ACAN: variants seen among roughly 807,000 people sequenced by gnomAD.
The protein encoded by ACAN is aggrecan core protein.
Under a neutral mutation model 169.1 loss-of-function variants are expected in ACAN, and 47 were observed. That is an observed-to-expected ratio of 0.28 (90% CI 0.22 to 0.35). The LOEUF is 0.35. ACAN is among the 10% of genes least tolerant of loss of function. The probability of loss-of-function intolerance (pLI) is 1.00; values close to 1 mark genes in which losing one functional copy is unlikely to be tolerated. For synonymous variants in ACAN, 1,115 were observed against 1,112.2 expected (o/e 1.00, Z -0.05); for missense variants, 2,716 against 2,759.9 (o/e 0.98, Z 0.36).
In ACAN at chr15:88,840,183, T is replaced by G. The variant is rs1896615494; in HGVS notation, c.626T>G (p.Val209Gly). The change falls in exon 4 of 19, where the codon GTC becomes GGC. Residue 209 changes from valine to glycine, a missense_variant. Coordinates refer to ENST00000560601, the MANE Select transcript of ACAN (RefSeq NM_001369268.1). ...GCCGGCTGGCTGGCTGACCAGACTG[T>G]CAGGTGAGCCCTAGCCCATCAGCTA... ...CDAGWLADQT[V>G]RYPIHTPREG... 6.3e-7 allele frequency: 1 copy of G among 1,595,064 alleles called. No homozygotes were observed. Among genetic ancestry groups the G allele is most frequent in the Non-Finnish European group, 8.5e-7 (1 of 1,172,862 alleles).
intron 1 of ACAN, among the ~76,000 whole-genome samples, chr15:88,826,563 C>A (rs544162587): frequency 3.9e-5 from 6 of 151,994 alleles, no homozygotes; most frequent in Non-Finnish European, 8.8e-5. Flanking sequence ...AGGAGTCCCA[C>A]TTGGGAACCC....
In ACAN at chr15:88,874,782, A is replaced by AG; in HGVS notation, c.*306dup. The stretch of plus-strand genomic sequence containing the variant: ...CCTTTCCAGGGACCAGTGCAGGGAC[A>AG]GGGGGAGAAGGGGAGGGGTTAAGTT... On this transcript the variant is annotated 3_prime_UTR_variant, in exon 19 of 19. Transcript: ENST00000560601. This position sits in a 1 kb window ranked among gnomAD's most constrained non-coding sequence, Gnocchi z 7.3. The AG allele has an allele frequency of 2.2e-6, 1 of 445,164 alleles. No individual in the cohort carries two copies. Among genetic ancestry groups the AG allele is most frequent in the Non-Finnish European group, 4.2e-6 (1 of 238,608 alleles). 27.6% of individuals were successfully genotyped at this position (445,164 alleles called of 1,614,324 possible). A position where few individuals can be genotyped will look rare whatever the true frequency, so the allele number is the denominator to read the frequency against.
In ACAN at chr15:88,870,029, G is replaced by A. The variant is rs965133695; in HGVS notation, c.7061-1353G>A. Reference sequence around the variant, plus strand: ...ATGATATCTCTGGCCTCTTCAGAGTGCTGAGCTAGTCTGAGGCCTCTCCAC... The same window carrying A: ...ATGATATCTCTGGCCTCTTCAGAGTACTGAGCTAGTCTGAGGCCTCTCCAC... On this transcript the variant is annotated intron_variant, in intron 14 of 18. Coordinates refer to ENST00000560601, the MANE Select transcript of ACAN (RefSeq NM_001369268.1). This position sits in a 1 kb window ranked among gnomAD's most constrained non-coding sequence, Gnocchi z 6.3. 1.1e-4 allele frequency among the ~76,000 whole-genome samples: 16 copies of A among 152,120 alleles called. No individual in the cohort carries two copies. The highest frequency in any genetic ancestry group is 3.9e-4 in the African/African-American group (16 of 41,404).
chr15:88,855,462 T>G lies in ACAN; in HGVS notation c.2877T>G (p.Ser959=). The change falls in exon 12 of 19, where the codon TCT becomes TCG. Residue 959 remains serine (S), a synonymous_variant. Coordinates refer to ENST00000560601, the MANE Select transcript of ACAN (RefSeq NM_001369268.1). ...SGVGDLSGLP[S]GEVLETSASG... ...TTGGGGATCTCAGTGGACTTCCTTC[T>G]GGAGAAGTTCTAGAGACCTCTGCCT... The G allele has an allele frequency of 6.2e-7, 1 of 1,613,402 alleles. No homozygotes were observed. The highest frequency in any genetic ancestry group is 8.5e-7 in the Non-Finnish European group (1 of 1,179,730).
chr15:88,870,331 G>C lies in ACAN; in HGVS notation c.7061-1051G>C, dbSNP rs1415397757. Among the ~76,000 whole-genome samples, 1 of 152,198 alleles carries C rather than the reference G, an allele frequency of 6.6e-6. No individual in the cohort carries two copies. The highest frequency in any genetic ancestry group is 1.5e-5 in the Non-Finnish European group (1 of 68,032). On this transcript the variant is annotated intron_variant, in intron 14 of 18. Coordinates refer to ENST00000560601, the MANE Select transcript of ACAN (RefSeq NM_001369268.1). The surrounding 1 kb of genome is among the most constrained non-coding windows in gnomAD (Gnocchi z 6.3). ...GGGAGACCACCATGCAGCCTGAGGG[G>C]TTTGTGACCCTCCACCTGGGAGATC... is the stretch of plus-strand genomic sequence containing the variant.
chr15:88,854,942 A>G lies in ACAN; in HGVS notation c.2357A>G (p.Glu786Gly). ...SATEVPSASE[E>G]PSPSEVPFPS... Reference sequence around the variant, plus strand: ...ACTGAAGTGCCCTCTGCCTCAGAGGAACCATCCCCCTCAGAGGTGCCATTC... The same window carrying G: ...ACTGAAGTGCCCTCTGCCTCAGAGGGACCATCCCCCTCAGAGGTGCCATTC... Residue 786 changes from glutamate (E) to glycine (G), a missense_variant, in exon 12 of 19, where the codon GAA becomes GGA. Physicochemically the swap from Glu to Gly is moderately conservative, Grantham distance 98 (BLOSUM62 -2). Coordinates refer to ENST00000560601, the MANE Select transcript of ACAN (RefSeq NM_001369268.1). 5.6e-6 allele frequency: 9 copies of G among 1,594,840 alleles called. No individual in the cohort carries two copies. Among genetic ancestry groups the G allele is most frequent in the Non-Finnish European group, 7.7e-6 (9 of 1,171,694 alleles).
At position 88,849,293 on chromosome 15, in the gene ACAN, G is replaced by C. The variant is rs905799633; in HGVS notation, c.1733-145G>C. ...TCCCAGGGTCCCAGAAAATCTAAGG[G>C]GGAGTGGTCAAAAAAGGGGTGATGG... is the stretch of plus-strand genomic sequence containing the variant. On this transcript the variant is annotated intron_variant, in intron 9 of 18. Coordinates refer to ENST00000560601, the MANE Select transcript of ACAN (RefSeq NM_001369268.1). This position sits in a 1 kb window ranked among gnomAD's most constrained non-coding sequence, Gnocchi z 5.1. 5.3e-6 allele frequency: 4 copies of C among 760,620 alleles called. No homozygotes were observed. The highest frequency in any genetic ancestry group is 8.1e-6 in the Non-Finnish European group (4 of 492,030). The allele number at this position is 760,620 out of a possible 1,614,324, so 47.1% of individuals were successfully genotyped here. A position where few individuals can be genotyped will look rare whatever the true frequency, so the allele number is the denominator to read the frequency against.
At chr15:88,831,528 A>T (rs988753358) in intron 1 of ACAN, among the ~76,000 whole-genome samples, 2 of 152,232 alleles carry the variant, frequency 1.3e-5, no homozygotes, top group African/African-American at 4.8e-5. Context: ...CCATTCATTC[A>T]TTCAGCAATT....
intron 6 of ACAN, among the ~76,000 whole-genome samples, chr15:88,844,004 A>C (rs1896732707): frequency 6.6e-6 from 1 of 152,128 alleles, no homozygotes; most frequent in South Asian, 2.1e-4. Context: ...TAGTGAGGAG[A>C]TGGGGTGCCC....
intron 1 of ACAN, among the ~76,000 whole-genome samples, chr15:88,826,627 C>T (rs994777160): frequency 6.6e-5 from 10 of 152,060 alleles, no homozygotes; most frequent in South Asian, 2.1e-4. Flanking sequence ...ACCAACCGTG[C>T]GCATATTCCA....
chr15:88,867,146 G>T (rs1897293369), intron 13 of ACAN, among the ~76,000 whole-genome samples: 1 of 152,220 alleles, frequency 6.6e-6, no homozygotes, highest in Non-Finnish European at 1.5e-5. Context: ...AGATCCCCCA[G>T]GTCTTCTGGT....
intron 4 of ACAN, among the ~76,000 whole-genome samples, chr15:88,841,094 G>A (rs577873261): frequency 7.2e-5 from 11 of 152,326 alleles, no homozygotes; most frequent in South Asian, 4.1e-4. Flanking sequence ...GCAGTGAGCC[G>A]AGATCGCGCC....
intron 1 of ACAN, among the ~76,000 whole-genome samples, chr15:88,805,926 G>A (rs903550016): frequency 6.6e-6 from 1 of 152,164 alleles, no homozygotes; most frequent in Non-Finnish European, 1.5e-5. Flanking sequence ...TGCCAAGGCA[G>A]AGCGTTCTCC....
Position 88,839,645 on chromosome 15 carries a change from C to T in ACAN, c.455-367C>T, listed in dbSNP as rs753583167. On this transcript the variant is annotated intron_variant, in intron 3 of 18. Transcript: ENST00000560601. This position sits in a 1 kb window ranked among gnomAD's most constrained non-coding sequence, Gnocchi z 4.5. Reference sequence around the variant, plus strand: ...TTAAATGAGGTTTCCACTAGGGTGGCCCTGGGCTGAGGGTGCAGGGCATTC... The same window carrying T: ...TTAAATGAGGTTTCCACTAGGGTGGTCCTGGGCTGAGGGTGCAGGGCATTC... 3.9e-5 allele frequency among the ~76,000 whole-genome samples: 6 copies of T among 152,224 alleles called. No individual in the cohort carries two copies. The highest frequency in any genetic ancestry group is 8.8e-5 in the Non-Finnish European group (6 of 68,048).
chr15:88,816,157 C>T (rs1340947931), intron 1 of ACAN, among the ~76,000 whole-genome samples: 3 of 152,208 alleles, frequency 2.0e-5, no homozygotes, highest in Non-Finnish European at 4.4e-5. Context: ...AAGGGGCCAT[C>T]CTAACAACCT....
chr15:88,860,655 T>A (rs955650962), intron 13 of ACAN, among the ~76,000 whole-genome samples: 2 of 152,168 alleles, frequency 1.3e-5, no homozygotes, highest in African/African-American at 4.8e-5. Context: ...GTCAAGTAAT[T>A]AAGTTGCTAA....
intron 1 of ACAN, among the ~76,000 whole-genome samples, chr15:88,824,229 CAGG>C (rs1442359414): frequency 6.6e-6 from 1 of 151,836 alleles, no homozygotes; most frequent in African/African-American, 2.4e-5. Context: ...GAGGCTGAGG[CAGG>C]AGAATGGCGT....
At chr15:88,862,997 CA>C (rs57598410) in intron 13 of ACAN, among the ~76,000 whole-genome samples, 22,788 of 73,850 alleles carry the variant, frequency 0.31, 1,628 homozygotes, top group African/African-American at 0.41. Flanking sequence ...CACTCGGTCT[CA>C]AAAAAAAAAA....
Position 88,845,562 on chromosome 15 carries a change from T to A in ACAN, c.1109T>A (p.Ile370Asn). The change falls in exon 7 of 19, where the codon ATC becomes AAC. Residue 370 changes from isoleucine (I) to asparagine (N), a missense_variant. Ile to Asn is a moderately radical substitution (Grantham distance 149, BLOSUM62 -3). This residue lies in a region of ACAN where 1,283 missense variants were observed against 1,281.5 expected (regional missense o/e 1.00). Coordinates refer to ENST00000560601, the MANE Select transcript of ACAN (RefSeq NM_001369268.1). Reference sequence around the variant, plus strand: ...TTTGGAGTGGGGGGTGAGGAGGACATCACCGTCCAGACAGTGACCTGGCCT... The same window carrying A: ...TTTGGAGTGGGGGGTGAGGAGGACAACACCGTCCAGACAGTGACCTGGCCT... ...NFFGVGGEED[I>N]TVQTVTWPDM... The A allele has an allele frequency of 6.2e-7, 1 of 1,613,928 alleles. No homozygotes were observed. Among genetic ancestry groups the A allele is most frequent in the Non-Finnish European group, 8.5e-7 (1 of 1,179,872 alleles).
Sources: gnomAD v4.1 joint callset for allele counts (sites outside exome capture counted in the v4.1 genomes callset) on GRCh38, gnomAD v4.1.1 for gene constraint, gnomAD v4.1.1 regional missense constraint, Gnocchi (gnomAD v3.1) non-coding constraint, MANE v1.5 for transcripts, NCBI Gene and HGNC (gene_info 2026-07-23, HGNC 2026-07-21) for gene names.